Variants in GABRB3 observed in about 807,000 individuals in gnomAD.
GABRB3 encodes the protein gamma-aminobutyric acid receptor subunit beta-3.
Under a neutral mutation model 52.1 loss-of-function variants are expected in GABRB3, and 14 were observed. The observed-to-expected ratio is 0.27, with a 90% CI of 0.18 to 0.42. The LOEUF (loss-of-function observed/expected upper bound fraction) is 0.42, where lower values mean the gene tolerates loss of function less well. Ranked by LOEUF, GABRB3 falls within the 10% of genes least tolerant of loss-of-function variation. The pLI is 1.00. For missense variants in GABRB3, 307 were observed against 609.1 expected (o/e 0.50, Z 5.22); for synonymous variants, 260 against 232.3 (o/e 1.12, Z -1.08).
At chr15:26,735,630 C>A (rs1890044942) in intron 3 of GABRB3, among the ~76,000 whole-genome samples, 1 of 152,078 alleles carries the variant, frequency 6.6e-6, no homozygotes, top group Non-Finnish European at 1.5e-5. Flanking sequence ...TGTGGATAAA[C>A]CTTGAGGCCA....
rs569848514 is a variant in GABRB3 at position 26,612,558 on chromosome 15, T to C, written c.461+8756A>G. ...TTAGCAAGAAATGTTAAGTTAAAAA[T>C]GGAAAGTTTAGCAGTCAGTGGAGTA... On this transcript the variant is annotated intron_variant, in intron 4 of 8. Transcript: ENST00000311550. 3 of 152,270 alleles carry C rather than the reference T, an allele frequency of 2.0e-5. No homozygotes were observed. In the East Asian group the frequency reaches 5.8e-4, roughly 29 times the overall value. 9.4% of individuals were successfully genotyped at this position (152,270 alleles called of 1,614,324 possible). A position where few individuals can be genotyped will look rare whatever the true frequency, so the allele number is the denominator to read the frequency against.
chr15:26,606,845 T>C (rs868051414), intron 4 of GABRB3, among the ~76,000 whole-genome samples: 5 of 75,940 alleles, frequency 6.6e-5, no homozygotes, highest in Non-Finnish European at 6.2e-5. Context: ...TAGATAGATA[T>C]GGTTAAAGCA....
At chr15:26,555,055 G>A (rs1447785520) in intron 8 of GABRB3, among the ~76,000 whole-genome samples, 1 of 152,056 alleles carries the variant, frequency 6.6e-6, no homozygotes, top group African/African-American at 2.4e-5. Flanking sequence ...GTGGTGGCAG[G>A]TGCCTGTAGT....
intron 3 of GABRB3, among the ~76,000 whole-genome samples, chr15:26,640,804 C>T (rs2140571778): frequency 6.6e-6 from 1 of 152,352 alleles, no homozygotes; most frequent in Admixed American, 6.5e-5. Flanking sequence ...CTGTCCAAAC[C>T]TCCCATGAGT....
At chr15:26,600,391 A>C (rs1413603967) in intron 4 of GABRB3, among the ~76,000 whole-genome samples, 1 of 152,140 alleles carries the variant, frequency 6.6e-6, no homozygotes, top group Non-Finnish European at 1.5e-5. Flanking sequence ...AGAAGTCACC[A>C]ATCAAATTCA....
intron 3 of GABRB3, among the ~76,000 whole-genome samples, chr15:26,721,904 T>C (rs558502665): frequency 3.7e-4 from 56 of 152,182 alleles, no homozygotes; most frequent in African/African-American, 1.3e-3. Context: ...AGAAAGACCA[T>C]TGGTCCATGA....
At chr15:26,747,463 C>T (rs1890378733) in intron 3 of GABRB3, among the ~76,000 whole-genome samples, 1 of 152,132 alleles carries the variant, frequency 6.6e-6, no homozygotes. Context: ...TACCTAAGTA[C>T]TTCATTTTCT....
chr15:26,709,515 C>T (rs138044821), intron 3 of GABRB3, among the ~76,000 whole-genome samples: 57 of 92,010 alleles, frequency 6.2e-4, no homozygotes, highest in East Asian at 2.8e-3. Flanking sequence ...TTTTTTCTTT[C>T]TTTTTTTTTT....
At chr15:26,596,887 G>C (rs999823688) in intron 4 of GABRB3, among the ~76,000 whole-genome samples, 21 of 152,260 alleles carry the variant, frequency 1.4e-4, no homozygotes, top group Admixed American at 8.5e-4. Context: ...TAAGTCCAAG[G>C]TAGAGAACGT....
chr15:26,649,245 A>G (rs1887114212), intron 3 of GABRB3, among the ~76,000 whole-genome samples: 1 of 152,106 alleles, frequency 6.6e-6, no homozygotes, highest in Admixed American at 6.5e-5. Context: ...CCCTCACAAA[A>G]GGGATTAGTG....
At chr15:26,765,132 A>C (rs1031446841) in intron 3 of GABRB3, among the ~76,000 whole-genome samples, 1 of 151,496 alleles carries the variant, frequency 6.6e-6, no homozygotes, top group Non-Finnish European at 1.5e-5. Flanking sequence ...TCCGACTCAA[A>C]AAAAAAAAAA....
intron 3 of GABRB3, among the ~76,000 whole-genome samples, chr15:26,734,165 G>T (rs1890006423): frequency 6.6e-6 from 1 of 151,504 alleles, no homozygotes; most frequent in Non-Finnish European, 1.5e-5. Context: ...GAGTAGCTGG[G>T]ATTACAGGCA....
intron 3 of GABRB3, among the ~76,000 whole-genome samples, chr15:26,718,824 A>G (rs574827820): frequency 1.3e-5 from 2 of 152,242 alleles, no homozygotes; most frequent in East Asian, 1.9e-4. Flanking sequence ...GTGCTCCCAC[A>G]CTGCTGAAGT....
chr15:26,584,903 T>C (rs1056864033), intron 4 of GABRB3, among the ~76,000 whole-genome samples: 18 of 152,020 alleles, frequency 1.2e-4, no homozygotes, highest in Non-Finnish European at 5.9e-5. Flanking sequence ...ATGGCCTGAG[T>C]TGAAAGGCAG....
At chr15:26,628,920 G>A in intron 3 of GABRB3, 3 of 1,497,954 alleles carry the variant, frequency 2.0e-6, no homozygotes, top group South Asian at 2.4e-5. Context: ...GGGGAGTCAG[G>A]TGCAAGAGCG....
At chr15:26,715,848 T>C (rs1830861900) in intron 3 of GABRB3, among the ~76,000 whole-genome samples, 1 of 152,176 alleles carries the variant, frequency 6.6e-6, no homozygotes, top group Admixed American at 6.5e-5. Context: ...TGGGCCTTCT[T>C]TATTGCAACT....
At chr15:26,692,382 T>A (rs1441853414) in intron 3 of GABRB3, among the ~76,000 whole-genome samples, 2 of 152,162 alleles carry the variant, frequency 1.3e-5, no homozygotes, top group Non-Finnish European at 2.9e-5. Flanking sequence ...GCAGAAACCT[T>A]TTCAGATACA....
At chr15:26,598,259 A>C (rs549042248) in intron 4 of GABRB3, among the ~76,000 whole-genome samples, 5 of 152,300 alleles carry the variant, frequency 3.3e-5, no homozygotes, top group African/African-American at 9.6e-5. Flanking sequence ...GCAAAAAAAC[A>C]AAAAAGGTAA....
intron 3 of GABRB3, among the ~76,000 whole-genome samples, chr15:26,771,592 G>T (rs1006499461): frequency 6.6e-6 from 1 of 152,172 alleles, no homozygotes; most frequent in African/African-American, 2.4e-5. Context: ...CAAATGAAAG[G>T]GCCATCCTTC....
Sources: gnomAD v4.1 joint callset for allele counts (sites outside exome capture counted in the v4.1 genomes callset) on GRCh38, gnomAD v4.1.1 for gene constraint, MANE v1.5 for transcripts, NCBI Gene and HGNC (gene_info 2026-07-23, HGNC 2026-07-21) for gene names.